The following TIMM23B variants were observed in gnomAD, a reference collection of about 807,000 sequenced individuals.
The protein encoded by TIMM23B is mitochondrial import inner membrane translocase subunit Tim23B.
TIMM23B carries 27 observed loss-of-function variants against 27.3 expected under a neutral mutation model. The ratio of observed to expected loss-of-function variants is 0.99; its 90% confidence interval spans 0.73 to 1.36. The LOEUF is 1.36. Ranked by LOEUF, TIMM23B falls within the 40% of genes most tolerant of loss-of-function variation. The pLI is 0.00. For synonymous variants in TIMM23B, 73 were observed against 92.4 expected, an observed-to-expected ratio of 0.79 and a Z score of 1.21; for missense variants, 205 against 244.2, an observed-to-expected ratio of 0.84 and a Z score of 1.07.
rs548709848 is a variant in TIMM23B, at chr10:49,973,430, C to T, written c.*366C>T. ...ATGGTTCACACCTGTAATCTCAGCA[C>T]GTTTGGAGGGCAAGGCAGGAGGATT... On this transcript the variant is annotated 3_prime_UTR_variant, in exon 7 of 7. Transcript: ENST00000651259. 1.0e-4 allele frequency: 22 copies of T among 217,544 alleles called. 1 individual carries two copies. The highest frequency in any genetic ancestry group is 5.5e-4 in the Admixed American group (10 of 18,336). 13.5% of individuals were successfully genotyped at this position (217,544 alleles called of 1,614,324 possible).
chr10:49,968,532 C>T (rs1226953101), intron 6 of TIMM23B, among the ~76,000 whole-genome samples: 5 of 152,186 alleles, frequency 3.3e-5, no homozygotes, highest in Admixed American at 6.5e-5. Flanking sequence ...GTTAATTAAG[C>T]TATTTAAAAC....
At chr10:49,950,895 T>C (rs1839509685) in intron 2 of TIMM23B, among the ~76,000 whole-genome samples, 1 of 152,260 alleles carries the variant, frequency 6.6e-6, no homozygotes. Context: ...ATAATTTTTT[T>C]TTTCTTCTCA....
Position 49,958,419 on chromosome 10 carries a change from A to G in TIMM23B, c.453A>G (p.Ala151=), listed in dbSNP as rs1230645526. The change falls in exon 6 of 7, where the codon GCA becomes GCG. Residue 151 remains alanine (A), a synonymous_variant. Coordinates refer to ENST00000651259, the MANE Select transcript of TIMM23B (RefSeq NM_001290117.2). ...FGVIIEKTRG[A]EDDLNTVAAG... ...TCATCATTGAGAAAACACGAGGTGC[A>G]GAAGATGACCTTAACACAGTAGCAG... The G allele has an allele frequency of 1.9e-5, 31 of 1,613,812 alleles. No individual in the cohort carries two copies. Among genetic ancestry groups the G allele is most frequent in the Non-Finnish European group, 2.6e-5 (31 of 1,179,834 alleles).
At chr10:49,958,674 A>G (rs1839800441) in intron 6 of TIMM23B, among the ~76,000 whole-genome samples, 194 bp downstream of exon 6, 1 of 152,240 alleles carries the variant, frequency 6.6e-6, no homozygotes, top group Non-Finnish European at 1.5e-5. Context: ...TTAAGTATAC[A>G]GTACATTAGT....
At chr10:49,952,306 CA>C in intron 3 of TIMM23B, 87 bp downstream of exon 3, 1 of 1,459,502 alleles carries the variant, frequency 6.9e-7, no homozygotes, top group South Asian at 1.2e-5. Flanking sequence ...ATGTTGGTTT[CA>C]GGGTTTTTTT....
intron 4 of TIMM23B, 74 bp from the exon 5 acceptor site, chr10:49,954,928 C>T: frequency 6.3e-7 from 1 of 1,577,208 alleles, no homozygotes; most frequent in Non-Finnish European, 8.7e-7. Flanking sequence ...TGTTAAATAG[C>T]CATTATTGTT....
At chr10:49,954,355 C>T (rs1172857661) in intron 4 of TIMM23B, 5 of 445,120 alleles carry the variant, frequency 1.1e-5, no homozygotes, top group Admixed American at 6.7e-5. Context: ...AACTGTGCTT[C>T]CTTGAGAGTG....
intron 1 of TIMM23B, among the ~76,000 whole-genome samples, chr10:49,944,110 A>G (rs1300396230): frequency 9.2e-5 from 14 of 152,348 alleles, no homozygotes; most frequent in African/African-American, 3.4e-4. Context: ...AAGCTTGTGA[A>G]ATCAGAGAGG....
chr10:49,946,462 A>G (rs1320044145), intron 2 of TIMM23B, among the ~76,000 whole-genome samples: 2 of 152,204 alleles, frequency 1.3e-5, no homozygotes, highest in African/African-American at 4.8e-5. Context: ...CACAAGGGAA[A>G]TCACAAAAAT....
At position 49,955,142 on chromosome 10, in the gene TIMM23B, T is replaced by C. The variant is rs1589035578; in HGVS notation, c.403+82T>C. ...TATCATGAACAATTTGATCAACCCA[T>C]ATTCTGGTCCTAGGATATGAGACAA... On this transcript the variant is annotated intron_variant, in intron 5 of 6. Transcript: ENST00000651259. 4 of 1,413,156 alleles carry C rather than the reference T, an allele frequency of 2.8e-6. No homozygotes were observed. The East Asian group carries it at 9.2e-5, about 32-fold the overall frequency. 87.5% of individuals were successfully genotyped at this position (1,413,156 alleles called of 1,614,324 possible). A position where few individuals can be genotyped will look rare whatever the true frequency, so the allele number is the denominator to read the frequency against.
intron 2 of TIMM23B, among the ~76,000 whole-genome samples, chr10:49,951,913 A>G (rs1839543427): frequency 1.3e-5 from 2 of 152,240 alleles, no homozygotes; most frequent in African/African-American, 4.8e-5. Flanking sequence ...AAAGTCTTTA[A>G]TGAGACTCCC....
At chr10:49,958,687 T>G (rs2133079153) in intron 6 of TIMM23B, among the ~76,000 whole-genome samples, 1 of 152,332 alleles carries the variant, frequency 6.6e-6, no homozygotes, top group East Asian at 1.9e-4. Flanking sequence ...ACATTAGTAT[T>G]ATAGTCACAT....
chr10:49,965,490 C>T (rs554469222), intron 6 of TIMM23B, among the ~76,000 whole-genome samples: 10,850 of 143,754 alleles, frequency 0.075, 533 homozygotes, highest in African/African-American at 0.15. Flanking sequence ...CCAGACTGGG[C>T]GATAGAGCGA....
intron 6 of TIMM23B, among the ~76,000 whole-genome samples, chr10:49,967,690 A>G (rs541424205): frequency 6.6e-6 from 1 of 152,334 alleles, no homozygotes; most frequent in East Asian, 1.9e-4. Flanking sequence ...GTTCCAGACT[A>G]TGTTACTACT....
intron 4 of TIMM23B, 23 bp downstream of exon 4, chr10:49,952,556 A>T: frequency 6.2e-7 from 1 of 1,612,000 alleles, no homozygotes; most frequent in Non-Finnish European, 8.5e-7. Flanking sequence ...TAACCATCTG[A>T]TGTAGTGATA....
chr10:49,960,864 A>T (rs1277932645), intron 6 of TIMM23B, among the ~76,000 whole-genome samples: 3 of 152,200 alleles, frequency 2.0e-5, no homozygotes. Context: ...GTCTGGGAAG[A>T]TAGTTTAGGC....
chr10:49,947,047 C>A (rs1466337142), intron 2 of TIMM23B, among the ~76,000 whole-genome samples: 1 of 152,164 alleles, frequency 6.6e-6, no homozygotes, highest in African/African-American at 2.4e-5. Context: ...TCAGGGGAGA[C>A]GTTAGGACAA....
intron 5 of TIMM23B, among the ~76,000 whole-genome samples, chr10:49,956,241 G>A (rs1445806975): frequency 2.0e-5 from 3 of 151,958 alleles, no homozygotes; most frequent in African/African-American, 7.3e-5. Flanking sequence ...GTTGCAAGGG[G>A]CAAGTGTAGC....
chr10:49,949,560 G>T (rs1437321671), intron 2 of TIMM23B, among the ~76,000 whole-genome samples: 1 of 151,604 alleles, frequency 6.6e-6, no homozygotes, highest in Non-Finnish European at 1.5e-5. Flanking sequence ...TGCTAGGTGG[G>T]GCTTATTAAG....
Sources: gnomAD v4.1 joint callset for allele counts (sites outside exome capture counted in the v4.1 genomes callset) on GRCh38, gnomAD v4.1.1 for gene constraint, MANE v1.5 for transcripts, NCBI Gene and HGNC (gene_info 2026-07-23, HGNC 2026-07-21) for gene names.